The following SEMA3E variants were observed in gnomAD, a reference collection of about 807,000 sequenced individuals.
The protein encoded by SEMA3E is semaphorin 3E.
SEMA3E carries 49 observed loss-of-function variants against 93.6 expected under a neutral mutation model. That is an observed-to-expected ratio of 0.52 (90% confidence interval 0.42 to 0.66). The LOEUF (loss-of-function observed/expected upper bound fraction) is 0.66. Ranked by LOEUF, SEMA3E falls within the 30% of genes least tolerant of loss-of-function variation. SEMA3E has a pLI of 0.00. For missense variants in SEMA3E, 906 were observed against 964.8 expected (o/e 0.94, Z 0.81); for synonymous variants, 363 against 330.7 (o/e 1.10, Z -1.06).
intron 11 of SEMA3E, among the ~76,000 whole-genome samples, chr7:83,398,868 C>G (rs374511748): frequency 6.6e-6 from 1 of 151,900 alleles, no homozygotes; most frequent in Non-Finnish European, 1.5e-5. Flanking sequence ...CGCTTGAGCC[C>G]GGGAGGCAGA....
chr7:83,454,355 A>G (rs901424411), intron 4 of SEMA3E, among the ~76,000 whole-genome samples: 6 of 150,258 alleles, frequency 4.0e-5, no homozygotes, highest in Non-Finnish European at 1.5e-5. Flanking sequence ...CTTTAAAATA[A>G]CAGATTTGGA....
intron 1 of SEMA3E, among the ~76,000 whole-genome samples, chr7:83,642,395 G>A (rs557838425): frequency 1.7e-3 from 262 of 152,202 alleles, no homozygotes; most frequent in African/African-American, 6.2e-3. Flanking sequence ...TATCAATTCT[G>A]CAGAGATGTC....
intron 1 of SEMA3E, among the ~76,000 whole-genome samples, chr7:83,578,831 C>A (rs957453487): frequency 6.6e-6 from 1 of 151,940 alleles, no homozygotes; most frequent in Non-Finnish European, 1.5e-5. Context: ...AATGATTATG[C>A]CTAAATTTGA....
rs1439535643 is a variant in SEMA3E at position 83,551,052 on chromosome 7, A to C, written c.116-60778T>G. On this transcript the variant is annotated intron_variant, in intron 1 of 16. Transcript: ENST00000643230. ...CTAAGTGTTGGTAAACATGTGGATG[A>C]AGGGGAATACTCACATTGTCTGTTG... Among the ~76,000 whole-genome samples, 13 of 152,276 alleles carry C rather than the reference A, an allele frequency of 8.5e-5. No individual in the cohort carries two copies. The East Asian group carries it at 2.5e-3, about 29-fold the overall frequency.
At chr7:83,527,800 T>C (rs1031828830) in intron 1 of SEMA3E, among the ~76,000 whole-genome samples, 1 of 151,942 alleles carries the variant, frequency 6.6e-6, no homozygotes, top group African/African-American at 2.4e-5. Context: ...TTTGTTGTCA[T>C]TAGTGATATT....
At chr7:83,398,033 C>T (rs536205362) in intron 11 of SEMA3E, among the ~76,000 whole-genome samples, 8 of 152,156 alleles carry the variant, frequency 5.3e-5, no homozygotes, top group Admixed American at 1.3e-4. Flanking sequence ...GTATTAAAGC[C>T]GGTGTCTAGT....
At chr7:83,546,650 C>T (rs149342315) in intron 1 of SEMA3E, among the ~76,000 whole-genome samples, 31 of 152,124 alleles carry the variant, frequency 2.0e-4, no homozygotes, top group African/African-American at 7.2e-4. Flanking sequence ...TTTGAAATAA[C>T]TTCTTATTAG....
At chr7:83,447,406 C>T (rs113176387) in intron 4 of SEMA3E, among the ~76,000 whole-genome samples, 5,142 of 152,014 alleles carry the variant, frequency 0.034, 313 homozygotes, top group African/African-American at 0.12. Context: ...GGCATGGTGG[C>T]GGGCGCCTGT....
chr7:83,641,420 A>C, intron 1 of SEMA3E: 1 of 984,576 alleles, frequency 1.0e-6, no homozygotes, highest in East Asian at 1.1e-4. Flanking sequence ...CCTATAGGAC[A>C]CTGTTTAGTT....
chr7:83,558,814 A>C (rs548419601), intron 1 of SEMA3E, among the ~76,000 whole-genome samples: 1 of 152,226 alleles, frequency 6.6e-6, no homozygotes, highest in South Asian at 2.1e-4. Context: ...TCACTACAAA[A>C]ATCAAATTTT....
intron 1 of SEMA3E, among the ~76,000 whole-genome samples, chr7:83,613,782 C>T (rs921632362): frequency 7.2e-5 from 11 of 152,184 alleles, no homozygotes; most frequent in African/African-American, 2.4e-4. Context: ...ATGTATCTCT[C>T]TTATTTTCCA....
chr7:83,602,940 CTT>C (rs1230623552), intron 1 of SEMA3E, among the ~76,000 whole-genome samples: 3 of 152,020 alleles, frequency 2.0e-5, no homozygotes, highest in African/African-American at 7.2e-5. Flanking sequence ...TAAAATTACA[CTT>C]GACTCATTTG....
chr7:83,553,329 C>T (rs1300134145), intron 1 of SEMA3E, among the ~76,000 whole-genome samples: 2 of 152,146 alleles, frequency 1.3e-5, no homozygotes, highest in Admixed American at 6.5e-5. Context: ...TAGCAGTCAT[C>T]CACACTCACA....
At chr7:83,638,774 C>T (rs1022127793) in intron 1 of SEMA3E, among the ~76,000 whole-genome samples, 6 of 152,070 alleles carry the variant, frequency 3.9e-5, no homozygotes, top group Non-Finnish European at 7.4e-5. Flanking sequence ...CAGTGTTTCT[C>T]ATAGCTGAGT....
intron 1 of SEMA3E, among the ~76,000 whole-genome samples, chr7:83,494,173 T>C (rs1790442168): frequency 1.3e-5 from 2 of 151,816 alleles, no homozygotes; most frequent in African/African-American, 4.8e-5. Flanking sequence ...ATGAGTGGGT[T>C]GTAATAAATT....
In SEMA3E at chr7:83,389,704, A is replaced by ACGTG. The variant is rs541854939; in HGVS notation, c.1668-2655_1668-2654insCACG. ...ATATATTACATGTATACATACACAC[A>ACGTG]TATATACACGTATATATTACATGTA... is the stretch of plus-strand genomic sequence containing the variant. On this transcript the variant is annotated intron_variant, in intron 14 of 16. Transcript: ENST00000643230. 8.5e-4 allele frequency among the ~76,000 whole-genome samples: 106 copies of ACGTG among 125,334 alleles called. 1 individual carries two copies. Among genetic ancestry groups the ACGTG allele is most frequent in the African/African-American group, 2.7e-3 (98 of 36,956 alleles). The allele number at this position is 125,334 out of a possible 152,430, so 82.2% of individuals were successfully genotyped here. A position where few individuals can be genotyped will look rare whatever the true frequency, so the allele number is the denominator to read the frequency against.
At chr7:83,647,059 T>C (rs552904692) in intron 1 of SEMA3E, among the ~76,000 whole-genome samples, 36 of 152,242 alleles carry the variant, frequency 2.4e-4, no homozygotes, top group African/African-American at 8.4e-4. Context: ...TTTTGATACA[T>C]ACCATGATAC....
chr7:83,605,711 C>T (rs1269060086), intron 1 of SEMA3E, among the ~76,000 whole-genome samples: 3 of 152,000 alleles, frequency 2.0e-5, no homozygotes, highest in East Asian at 1.9e-4. Context: ...ATTACAGGTA[C>T]GTGAGCCACT....
At chr7:83,624,855 T>C (rs778127862) in intron 1 of SEMA3E, among the ~76,000 whole-genome samples, 34 of 152,226 alleles carry the variant, frequency 2.2e-4, no homozygotes, top group Non-Finnish European at 4.4e-4. Flanking sequence ...TTTATGGTTT[T>C]AGGTCTTACA....
Sources: gnomAD v4.1 joint callset for allele counts (sites outside exome capture counted in the v4.1 genomes callset) on GRCh38, gnomAD v4.1.1 for gene constraint, MANE v1.5 for transcripts, NCBI Gene and HGNC (gene_info 2026-07-23, HGNC 2026-07-21) for gene names.